LRRTM4: variants seen among roughly 807,000 people sequenced by gnomAD.
LRRTM4 encodes leucine-rich repeat transmembrane neuronal protein 4.
LRRTM4 carries 25 observed loss-of-function variants against 47.6 expected under a neutral mutation model. The observed-to-expected ratio is 0.53, with a 90% CI of 0.38 to 0.73. LRRTM4 has a LOEUF of 0.73. Among genes scored for constraint, LRRTM4 ranks in the 30% least tolerant of loss-of-function variants. The pLI is 0.00. For missense variants in LRRTM4, 638 were observed against 713.4 expected, an observed-to-expected ratio of 0.89 and a Z score of 1.20; for synonymous variants, 311 against 269.5, an observed-to-expected ratio of 1.15 and a Z score of -1.51.
intron 3 of LRRTM4, among the ~76,000 whole-genome samples, chr2:76,887,623 C>T (rs1673119875): frequency 6.7e-6 from 1 of 148,810 alleles, no homozygotes; most frequent in Non-Finnish European, 1.5e-5. Context: ...ATATATGATA[C>T]ACACTGTATA....
At chr2:77,132,048 ATTG>A (rs1213078938) in intron 3 of LRRTM4, among the ~76,000 whole-genome samples, 4 of 152,138 alleles carry the variant, frequency 2.6e-5, no homozygotes, top group Non-Finnish European at 4.4e-5. Context: ...GTGTTACATT[ATTG>A]TTAATTATAG....
rs111471613 is a variant in LRRTM4 at position 76,783,837 on chromosome 2, A to C, written c.1552-34921T>G. 6.8e-3 allele frequency among the ~76,000 whole-genome samples: 1,041 copies of C among 152,252 alleles called. 8 individuals carry two copies. Among genetic ancestry groups the C allele is most frequent in the African/African-American group, 0.021 (857 of 41,548 alleles). On this transcript the variant is annotated intron_variant, in intron 3 of 3. Transcript: ENST00000409884. The stretch of plus-strand genomic sequence containing the variant: ...AGCAGTGCCGTATATTTTAATTGCA[A>C]TGTTAATTCTGCACATTTCAGAGTA...
chr2:77,513,635 CT>C (rs1679102530), intron 3 of LRRTM4, among the ~76,000 whole-genome samples: 1 of 152,048 alleles, frequency 6.6e-6, no homozygotes, highest in Admixed American at 6.6e-5. Context: ...GTAGTGCAAT[CT>C]TGCACTGCAA....
At position 76,910,423 on chromosome 2, in the gene LRRTM4, C is replaced by G. The variant is rs146343817; in HGVS notation, c.1552-161507G>C. Among the ~76,000 whole-genome samples the G allele has an allele frequency of 2.8e-3, 432 of 151,982 alleles. 5 individuals are homozygous for G. In the East Asian group the frequency reaches 0.044, roughly 15 times the overall value. ...ATGACGAGTTAGTGGGTGCAGAGCA[C>G]CAGCATGGCACATGTATACATATGA... On this transcript the variant is annotated intron_variant, in intron 3 of 3. Transcript: ENST00000409884.
chr2:77,072,709 G>T (rs1237263796), intron 3 of LRRTM4, among the ~76,000 whole-genome samples: 1 of 140,254 alleles, frequency 7.1e-6, no homozygotes, highest in Non-Finnish European at 1.5e-5. Context: ...TGAGGCAGGA[G>T]AATCGCTTAA....
At position 76,958,565 on chromosome 2, in the gene LRRTM4, T is replaced by C. The variant is rs897055921; in HGVS notation, c.1552-209649A>G. Among the ~76,000 whole-genome samples the C allele has an allele frequency of 3.3e-5, 5 of 151,754 alleles. No homozygotes were observed. In the East Asian group the frequency reaches 5.9e-4, roughly 18 times the overall value. ...GCATCCATTTCCATACAAGATCCTTTAGGTTCACAGTGAGGCCCTGAAGCC... is the reference window on the plus strand; with the variant it reads ...GCATCCATTTCCATACAAGATCCTTCAGGTTCACAGTGAGGCCCTGAAGCC... On this transcript the variant is annotated intron_variant, in intron 3 of 3. Transcript: ENST00000409884.
At chr2:77,517,191 T>G in intron 3 of LRRTM4, 1 of 985,080 alleles carries the variant, frequency 1.0e-6, no homozygotes, top group Non-Finnish European at 1.2e-6. Context: ...ACTATTTGTC[T>G]GCTCACTAAC....
intron 3 of LRRTM4, among the ~76,000 whole-genome samples, chr2:77,072,093 T>C (rs968249500): frequency 2.0e-5 from 3 of 152,108 alleles, no homozygotes; most frequent in African/African-American, 7.2e-5. Flanking sequence ...TATATATACA[T>C]TAAAATAAAA....
At chr2:76,901,946 G>A (rs1462609567) in intron 3 of LRRTM4, among the ~76,000 whole-genome samples, 1 of 152,066 alleles carries the variant, frequency 6.6e-6, no homozygotes, top group East Asian at 1.9e-4. Flanking sequence ...TTGCTCTGTG[G>A]GCTAAGTGTT....
intron 3 of LRRTM4, among the ~76,000 whole-genome samples, chr2:76,899,179 G>C (rs975163029): frequency 1.3e-5 from 2 of 151,738 alleles, no homozygotes; most frequent in Non-Finnish European, 2.9e-5. Flanking sequence ...CTCAAGATAA[G>C]AAAAAACTTT....
At position 77,518,395 on chromosome 2, in the gene LRRTM4, T is replaced by A. The variant is rs376175069; in HGVS notation, c.1474A>T (p.Asn492Tyr). 2 of 1,612,934 alleles carry A rather than the reference T, an allele frequency of 1.2e-6. No homozygotes were observed. Among genetic ancestry groups the A allele is most frequent in the Non-Finnish European group, 1.7e-6 (2 of 1,179,466 alleles). ...ACCGATATATCCATGGTCTCAGAGT[T>A]TGTAGGCTTGTAGTCCACATAATAC... ...QEYYVDYKPT[N>Y]SETMDISVNG... The change falls in exon 3 of 4, where the codon AAC (asparagine) becomes TAC (tyrosine). Residue 492 changes from asparagine to tyrosine, a missense_variant. Physicochemically the swap from Asn to Tyr is moderately radical, Grantham distance 143 (BLOSUM62 -2). Coordinates refer to ENST00000409884, the MANE Select transcript of LRRTM4 (RefSeq NM_001134745.3).
chr2:76,806,427 C>T (rs562666855), intron 3 of LRRTM4, among the ~76,000 whole-genome samples: 117 of 152,012 alleles, frequency 7.7e-4, no homozygotes, highest in Non-Finnish European at 1.3e-3. Context: ...ACTAAAAATA[C>T]AAAATTAGCA....
chr2:76,958,183 G>A (rs1675738205), intron 3 of LRRTM4, among the ~76,000 whole-genome samples: 1 of 151,726 alleles, frequency 6.6e-6, no homozygotes, highest in South Asian at 2.1e-4. Context: ...CTAACCTCTT[G>A]CACTCAGTGG....
chr2:77,170,741 T>C (rs1046409648), intron 3 of LRRTM4, among the ~76,000 whole-genome samples: 4 of 152,010 alleles, frequency 2.6e-5, no homozygotes, highest in Non-Finnish European at 5.9e-5. Flanking sequence ...CTAAACCAAA[T>C]GTTTTATCAC....
intron 3 of LRRTM4, among the ~76,000 whole-genome samples, chr2:77,403,588 T>C (rs1674050382): frequency 6.6e-6 from 1 of 151,904 alleles, no homozygotes; most frequent in African/African-American, 2.4e-5. Flanking sequence ...TCTCCTGTTC[T>C]ACTGAATAAA....
intron 3 of LRRTM4, among the ~76,000 whole-genome samples, chr2:77,301,925 T>C (rs528818058): frequency 9.9e-5 from 15 of 152,212 alleles, no homozygotes; most frequent in Non-Finnish European, 2.2e-4. Flanking sequence ...AAATTTAAGA[T>C]ATTGCCTAGC....
chr2:77,070,043 A>T (rs1314172386), intron 3 of LRRTM4, among the ~76,000 whole-genome samples: 1 of 151,890 alleles, frequency 6.6e-6, no homozygotes, highest in Non-Finnish European at 1.5e-5. Context: ...TACTGCACAG[A>T]TCAGATTATA....
At chr2:77,423,684 T>C (rs989342472) in intron 3 of LRRTM4, among the ~76,000 whole-genome samples, 16 of 152,214 alleles carry the variant, frequency 1.1e-4, no homozygotes, top group Non-Finnish European at 1.9e-4. Flanking sequence ...TCTATGCAGA[T>C]AGGCGGCTAA....
Position 77,381,685 on chromosome 2 carries a change from T to C in LRRTM4, c.1551+136633A>G, listed in dbSNP as rs1673058061. 2.0e-5 allele frequency among the ~76,000 whole-genome samples: 3 copies of C among 152,100 alleles called. No individual in the cohort carries two copies. The South Asian group carries it at 6.2e-4, about 31-fold the overall frequency. Reference sequence around the variant, plus strand: ...AAAATAATTGATTATCTTAATGTTTTGATGAAAGTTCAAGTTGTCATAAGC... The same window carrying C: ...AAAATAATTGATTATCTTAATGTTTCGATGAAAGTTCAAGTTGTCATAAGC... On this transcript the variant is annotated intron_variant, in intron 3 of 3. Coordinates refer to ENST00000409884, the MANE Select transcript of LRRTM4 (RefSeq NM_001134745.3).
Sources: gnomAD v4.1 joint callset for allele counts (sites outside exome capture counted in the v4.1 genomes callset) on GRCh38, gnomAD v4.1.1 for gene constraint, MANE v1.5 for transcripts, NCBI Gene and HGNC (gene_info 2026-07-23, HGNC 2026-07-21) for gene names.